The following ROBO2 variants were observed in gnomAD, a reference collection of about 807,000 sequenced individuals.
ROBO2 encodes roundabout homolog 2.
A neutral mutation model predicts 160.8 loss-of-function variants in ROBO2; 53 were observed. The observed-to-expected ratio is 0.33, with a 90% confidence interval of 0.26 to 0.41. The LOEUF is 0.41. ROBO2 is among the 10% of genes least tolerant of loss of function. The probability of loss-of-function intolerance (pLI) is 1.00; values close to 1 mark genes in which losing one functional copy is unlikely to be tolerated. For synonymous variants in ROBO2, 664 were observed against 611.7 expected (o/e 1.09, Z -1.26); for missense variants, 1,577 against 1,722.4 (o/e 0.92, Z 1.49).
At chr3:76,201,476 T>A (rs1177911555) in intron 2 of ROBO2, among the ~76,000 whole-genome samples, 1 of 152,104 alleles carries the variant, frequency 6.6e-6, no homozygotes, top group Non-Finnish European at 1.5e-5. Flanking sequence ...ATACAAACTA[T>A]CCCTGAACAA....
chr3:76,958,395 C>G (rs774209154), intron 2 of ROBO2, among the ~76,000 whole-genome samples: 1 of 152,208 alleles, frequency 6.6e-6, no homozygotes, highest in African/African-American at 2.4e-5. Flanking sequence ...TCTGCTCTTC[C>G]TCTCCTCAGC....
intron 2 of ROBO2, among the ~76,000 whole-genome samples, chr3:76,082,564 T>A (rs561291918): frequency 6.6e-6 from 1 of 152,250 alleles, no homozygotes; most frequent in East Asian, 1.9e-4. Context: ...GACAAGTTAG[T>A]AGAGGCCAGT....
chr3:77,059,389 T>C (rs1297173941), intron 1 of ROBO2, among the ~76,000 whole-genome samples: 1 of 152,186 alleles, frequency 6.6e-6, no homozygotes, highest in East Asian at 1.9e-4. Flanking sequence ...TTTCAAGCAG[T>C]GTATTTGAAC....
At chr3:76,279,377 T>C (rs1708111774) in intron 2 of ROBO2, among the ~76,000 whole-genome samples, 1 of 151,942 alleles carries the variant, frequency 6.6e-6, no homozygotes, top group South Asian at 2.1e-4. Context: ...CAAGTGATTC[T>C]ACATACCAAC....
At chr3:76,962,427 T>C (rs1409525744) in intron 2 of ROBO2, among the ~76,000 whole-genome samples, 2 of 151,312 alleles carry the variant, frequency 1.3e-5, no homozygotes, top group Non-Finnish European at 2.9e-5. Context: ...TCACCTGAGG[T>C]CAGGATTTCG....
At chr3:77,225,362 T>G (rs970767845) in intron 2 of ROBO2, among the ~76,000 whole-genome samples, 4 of 151,926 alleles carry the variant, frequency 2.6e-5, no homozygotes, top group African/African-American at 9.7e-5. Context: ...AGATTCTAAT[T>G]CCGTCAACTT....
rs71104621 is a variant in ROBO2, at chr3:76,802,727, CA to C, written c.110-295270del. Among the ~76,000 whole-genome samples, 675 of 103,824 alleles carry C rather than the reference CA, an allele frequency of 6.5e-3. 4 individuals carry two copies. The highest frequency in any genetic ancestry group is 0.023 in the African/African-American group (522 of 23,070). 68.1% of individuals were successfully genotyped at this position (103,824 alleles called of 152,430 possible). A position where few individuals can be genotyped will look rare whatever the true frequency, so the allele number is the denominator to read the frequency against. On this transcript the variant is annotated intron_variant, in intron 2 of 26. Coordinates refer to the ROBO2 transcript ENST00000487694. ...TGGGCGACAGAGCGAGACTCCGTCT[CA>C]AAAAAAAAAAAAAAAAGATACCACC...
intron 2 of ROBO2, among the ~76,000 whole-genome samples, chr3:77,152,114 A>G (rs976189798): frequency 6.6e-6 from 1 of 152,190 alleles, no homozygotes; most frequent in Non-Finnish European, 1.5e-5. Context: ...CATTTATGCT[A>G]CAACTATGGA....
intron 2 of ROBO2, among the ~76,000 whole-genome samples, chr3:76,057,676 A>G (rs1343176956): frequency 1.3e-5 from 2 of 152,160 alleles, no homozygotes; most frequent in Non-Finnish European, 2.9e-5. Context: ...AGAGCTGTAG[A>G]TCACTGCCGC....
At chr3:76,731,437 A>G (rs1233682362) in intron 2 of ROBO2, among the ~76,000 whole-genome samples, 1 of 151,978 alleles carries the variant, frequency 6.6e-6, no homozygotes, top group East Asian at 1.9e-4. Flanking sequence ...CATTGTGACC[A>G]TATCCCGCTT....
intron 2 of ROBO2, among the ~76,000 whole-genome samples, chr3:77,197,757 A>G (rs755864270): frequency 6.6e-6 from 1 of 152,200 alleles, no homozygotes; most frequent in Non-Finnish European, 1.5e-5. Flanking sequence ...AAGGGATTGT[A>G]CAGATTTGAT....
At chr3:76,687,064 C>A (rs2092701239) in intron 2 of ROBO2, among the ~76,000 whole-genome samples, 1 of 152,006 alleles carries the variant, frequency 6.6e-6, no homozygotes, top group African/African-American at 2.4e-5. Context: ...TATTATTTAT[C>A]ATGCACGTAT....
chr3:76,723,540 C>G (rs2093498231), intron 2 of ROBO2, among the ~76,000 whole-genome samples: 1 of 152,132 alleles, frequency 6.6e-6, no homozygotes, highest in Non-Finnish European at 1.5e-5. Context: ...CTGCCATTCT[C>G]CCAGCCTCCT....
chr3:77,170,673 C>G (rs950379982), intron 2 of ROBO2, among the ~76,000 whole-genome samples: 1 of 151,966 alleles, frequency 6.6e-6, no homozygotes, highest in South Asian at 2.1e-4. Context: ...ATTATAGAAT[C>G]GCTTAGCTTT....
rs544016048 is a variant in ROBO2 at position 76,041,655 on chromosome 3, A to G, written c.109+104053A>G. 2.0e-5 allele frequency among the ~76,000 whole-genome samples: 3 copies of G among 152,088 alleles called. No individual in the cohort carries two copies. In the East Asian group the frequency reaches 5.8e-4, roughly 29 times the overall value. ...TTTGTTTTTTCATGTTCTTAATACC[A>G]CAAAACACTTACAGGTATTAATATC... On this transcript the variant is annotated intron_variant, in intron 2 of 26. Transcript: ENST00000487694.
At chr3:75,992,038 A>C (rs1423868098) in intron 2 of ROBO2, among the ~76,000 whole-genome samples, 1 of 152,222 alleles carries the variant, frequency 6.6e-6, no homozygotes, top group Admixed American at 6.5e-5. Flanking sequence ...AAAGGAAGTC[A>C]GTTTTAAAAG....
At chr3:77,109,179 G>A (rs2073243082) in intron 2 of ROBO2, among the ~76,000 whole-genome samples, 1 of 152,182 alleles carries the variant, frequency 6.6e-6, no homozygotes, top group South Asian at 2.1e-4. Flanking sequence ...GTTTTGTACA[G>A]TACCTTCTAC....
chr3:77,233,703 AT>A (rs2087538796), intron 2 of ROBO2, among the ~76,000 whole-genome samples: 1 of 151,840 alleles, frequency 6.6e-6, no homozygotes, highest in African/African-American at 2.4e-5. Flanking sequence ...ATTTATGTAA[AT>A]TTTTATATGT....
At chr3:77,558,215 G>C in intron 9 of ROBO2, 66 bp downstream of exon 10, 1 of 1,331,710 alleles carries the variant, frequency 7.5e-7, no homozygotes, top group Non-Finnish European at 1.1e-6. Flanking sequence ...TGGAAAAATT[G>C]CATAGTGAAC....
Sources: gnomAD v4.1 joint callset for allele counts (sites outside exome capture counted in the v4.1 genomes callset) on GRCh38, gnomAD v4.1.1 for gene constraint, MANE v1.5 for transcripts, NCBI Gene and HGNC (gene_info 2026-07-23, HGNC 2026-07-21) for gene names.